TBX20: variants seen among roughly 807,000 people sequenced by gnomAD.
TBX20 encodes the protein T-box transcription factor 20.
A neutral mutation model predicts 42.9 loss-of-function variants in TBX20; 8 were observed. That is an observed-to-expected ratio of 0.19 (90% CI 0.11 to 0.34). The LOEUF (loss-of-function observed/expected upper bound fraction) is 0.34, where lower values mean the gene tolerates loss of function less well. TBX20 is among the 10% of genes least tolerant of loss of function. The pLI is 1.00. For missense variants in TBX20, 411 were observed against 566.0 expected, an observed-to-expected ratio of 0.73 and a Z score of 2.78; for synonymous variants, 198 against 222.8, an observed-to-expected ratio of 0.89 and a Z score of 0.99.
At chr7:35,214,751 T>C (rs1789553396) in intron 6 of TBX20, among the ~76,000 whole-genome samples, 1 of 152,208 alleles carries the variant, frequency 6.6e-6, no homozygotes, top group Admixed American at 6.5e-5. Flanking sequence ...ACATTCAAGC[T>C]GATGTCCTTT....
chr7:35,219,051 T>C (rs1221859082), intron 6 of TBX20, among the ~76,000 whole-genome samples: 1 of 152,216 alleles, frequency 6.6e-6, no homozygotes, highest in Non-Finnish European at 1.5e-5. Flanking sequence ...TTATGGTCTT[T>C]TGTTATAACA....
intron 2 of TBX20, 76 bp from the exon 3 acceptor site, chr7:35,248,917 G>T: frequency 6.3e-7 from 1 of 1,577,608 alleles, no homozygotes; most frequent in Non-Finnish European, 8.7e-7. Flanking sequence ...AAGAGAGGAA[G>T]GGAGGGAGGG....
At chr7:35,216,362 T>G (rs1287390959) in intron 6 of TBX20, among the ~76,000 whole-genome samples, 1 of 152,156 alleles carries the variant, frequency 6.6e-6, no homozygotes, top group Non-Finnish European at 1.5e-5. Flanking sequence ...AGTCTGCATA[T>G]CTTGAACCCT....
intron 6 of TBX20, among the ~76,000 whole-genome samples, chr7:35,208,532 C>A (rs184595628): frequency 1.4e-4 from 22 of 152,090 alleles, no homozygotes; most frequent in African/African-American, 4.8e-4. Flanking sequence ...CACCTGAGGT[C>A]GGGAGTTCAA....
intron 6 of TBX20, among the ~76,000 whole-genome samples, chr7:35,229,436 GGAAAT>G (rs1436414787): frequency 1.3e-5 from 2 of 152,056 alleles, no homozygotes; most frequent in Non-Finnish European, 2.9e-5. Context: ...TTAAATATCT[GGAAAT>G]GAAATCCAAA....
At chr7:35,211,732 T>A (rs1789500994) in intron 6 of TBX20, among the ~76,000 whole-genome samples, 1 of 152,192 alleles carries the variant, frequency 6.6e-6, no homozygotes, top group African/African-American at 2.4e-5. Context: ...AAAGAGCACC[T>A]GTACTTTAAA....
At position 35,252,111 on chromosome 7, in the gene TBX20, T is replaced by G. The variant is rs139018825; in HGVS notation, c.127+1383A>C. Among the ~76,000 whole-genome samples, 23 of 152,346 alleles carry G rather than the reference T, an allele frequency of 1.5e-4. No individual in the cohort carries two copies. The South Asian group carries it at 1.9e-3, about 12-fold the overall frequency. ...AATGACAGTGCAGCTGGGGCTGGCA[T>G]GTTTCCCAATTTGCTGTCTACACTT... On this transcript the variant is annotated intron_variant, in intron 1 of 7. Coordinates refer to ENST00000408931, the MANE Select transcript of TBX20 (RefSeq NM_001077653.2).
At position 35,253,627 on chromosome 7, in the gene TBX20, C is replaced by CA. The variant is rs1199016948; in HGVS notation, c.-8dup. 6.2e-7 allele frequency: 1 copy of CA among 1,611,070 alleles called. No individual in the cohort carries two copies. The highest frequency in any genetic ancestry group is 8.5e-7 in the Non-Finnish European group (1 of 1,179,754). On this transcript the variant is annotated 5_prime_UTR_variant, in exon 1 of 8. Coordinates refer to ENST00000408931, the MANE Select transcript of TBX20 (RefSeq NM_001077653.2). ...GGGACGCCGTGAACTCCATGGTCCC[C>CA]AGCACGCGGTCCTGGCCAGGGACGG...
intron 5 of TBX20, among the ~76,000 whole-genome samples, chr7:35,234,013 G>A (rs1789916204): frequency 6.6e-6 from 1 of 152,172 alleles, no homozygotes; most frequent in Admixed American, 6.5e-5. Flanking sequence ...GAAACTGTGA[G>A]GTGGAGCAAT....
intron 3 of TBX20, among the ~76,000 whole-genome samples, chr7:35,247,768 A>G (rs1790222341): frequency 6.6e-6 from 1 of 152,136 alleles, no homozygotes; most frequent in Non-Finnish European, 1.5e-5. Flanking sequence ...TTAAACATAA[A>G]CAACAAAAAT....
intron 1 of TBX20, among the ~76,000 whole-genome samples, chr7:35,252,106 T>A (rs1790316096): frequency 1.3e-5 from 2 of 152,204 alleles, no homozygotes; most frequent in Admixed American, 6.5e-5. Context: ...CAGCTGGGGC[T>A]GGCATGTTTC....
chr7:35,236,023 T>C (rs1392048625), intron 5 of TBX20, among the ~76,000 whole-genome samples: 5 of 152,118 alleles, frequency 3.3e-5, no homozygotes, highest in African/African-American at 4.8e-5. Flanking sequence ...TCTTAAATTA[T>C]AAAATAGTTT....
At chr7:35,251,844 C>G (rs1200215593) in intron 1 of TBX20, among the ~76,000 whole-genome samples, 1 of 152,184 alleles carries the variant, frequency 6.6e-6, no homozygotes, top group Non-Finnish European at 1.5e-5. Context: ...GAGTCCTTGG[C>G]TTGCAGTCAC....
At chr7:35,216,481 T>A (rs1789592274) in intron 6 of TBX20, among the ~76,000 whole-genome samples, 1 of 152,290 alleles carries the variant, frequency 6.6e-6, no homozygotes, top group African/African-American at 2.4e-5. Flanking sequence ...GCTCTTAGAG[T>A]TATTAAGATT....
At chr7:35,234,386 C>T (rs1170168737) in intron 5 of TBX20, among the ~76,000 whole-genome samples, 2 of 152,164 alleles carry the variant, frequency 1.3e-5, no homozygotes, top group African/African-American at 4.8e-5. Context: ...TCTAATACCA[C>T]AGAAAATACA....
intron 4 of TBX20, 106 bp downstream of exon 4, chr7:35,244,843 T>TGGGAAGGGGATAGGGAAGGC: frequency 2.6e-6 from 2 of 774,606 alleles, no homozygotes; most frequent in Non-Finnish European, 4.6e-6. Context: ...AGATAGAAGG[T>TGGGAAGGGGATAGGGAAGGC]GGGAAGGGGA....
intron 5 of TBX20, among the ~76,000 whole-genome samples, chr7:35,233,941 C>T (rs1442821588): frequency 6.6e-6 from 1 of 152,200 alleles, no homozygotes; most frequent in Non-Finnish European, 1.5e-5. Context: ...AAGGTGGCAC[C>T]ACCTCCAACA....
chr7:35,244,141 G>T (rs1377402405), intron 4 of TBX20, among the ~76,000 whole-genome samples: 1 of 152,110 alleles, frequency 6.6e-6, no homozygotes, highest in Non-Finnish European at 1.5e-5. Context: ...AATTATGGAA[G>T]TCCATCTAAA....
chr7:35,211,773 T>C (rs896932389), intron 6 of TBX20, among the ~76,000 whole-genome samples: 4 of 152,214 alleles, frequency 2.6e-5, no homozygotes, highest in African/African-American at 7.2e-5. Context: ...TAATTTACTT[T>C]GTTTCTAATG....
Sources: allele counts gnomAD v4.1 joint callset (sites outside exome capture counted in the v4.1 genomes callset), GRCh38; gene constraint gnomAD v4.1.1; transcripts MANE v1.5; gene names NCBI Gene and HGNC (gene_info 2026-07-23, HGNC 2026-07-21).